MERTK: variants seen among roughly 807,000 people sequenced by gnomAD.
MERTK encodes tyrosine-protein kinase Mer.
Under a neutral mutation model 99.3 loss-of-function variants are expected in MERTK, and 69 were observed. The ratio of observed to expected loss-of-function variants is 0.70; its 90% CI spans 0.57 to 0.85. MERTK has a LOEUF of 0.85. Among genes scored for constraint, MERTK ranks in the 40% least tolerant of loss-of-function variants. MERTK has a pLI of 0.00. For missense variants in MERTK, 1,125 were observed against 1,249.4 expected, an observed-to-expected ratio of 0.90 and a Z score of 1.50; for synonymous variants, 426 against 467.6, an observed-to-expected ratio of 0.91 and a Z score of 1.15.
At chr2:111,995,938 C>T (rs1034389546) in intron 9 of MERTK, among the ~76,000 whole-genome samples, 1 of 151,974 alleles carries the variant, frequency 6.6e-6, no homozygotes, top group Non-Finnish European at 1.5e-5. Flanking sequence ...CAGAGTGAGA[C>T]CCCCATCTCC....
At position 111,975,371 on chromosome 2, in the gene MERTK, A is replaced by T. The variant is rs776597215; in HGVS notation, c.1043A>T (p.Gln348Leu). The T allele has an allele frequency of 6.2e-7, 1 of 1,614,212 alleles. No homozygotes were observed. Among genetic ancestry groups the T allele is most frequent in the Non-Finnish European group, 8.5e-7 (1 of 1,180,016 alleles). Residue 348 changes from glutamine (Q) to leucine (L), a missense_variant, in exon 7 of 19, where the codon CAG becomes CTG. Transcript: ENST00000295408. ...TTACCACATCTGTACCAAATCAAGCAGCTGCAAGCCCTGGCTAATTACAGC... is the reference window on the plus strand; with the variant it reads ...TTACCACATCTGTACCAAATCAAGCTGCTGCAAGCCCTGGCTAATTACAGC... ...SALPHLYQIK[Q>L]LQALANYSIG...
rs115064074 is a variant in MERTK at position 111,972,212 on chromosome 2, G to C, written c.961-3077G>C. On this transcript the variant is annotated intron_variant, in intron 6 of 18. Transcript: ENST00000295408. Reference sequence around the variant, plus strand: ...CGCCTGGCTCATTTTTGTGTTTTTAGTAGAGATGTAGTTTCACCATGTCAC... The same window carrying C: ...CGCCTGGCTCATTTTTGTGTTTTTACTAGAGATGTAGTTTCACCATGTCAC... Among the ~76,000 whole-genome samples the C allele has an allele frequency of 5.4e-3, 828 of 152,200 alleles. 9 individuals carry two copies. The highest frequency in any genetic ancestry group is 0.019 in the African/African-American group (799 of 41,516).
intron 10 of MERTK, among the ~76,000 whole-genome samples, chr2:111,999,758 G>C (rs1676828636): frequency 6.6e-6 from 1 of 152,172 alleles, no homozygotes; most frequent in Non-Finnish European, 1.5e-5. Flanking sequence ...GAGCAGTAAA[G>C]CTTTTTAATC....
chr2:111,947,669 A>T, intron 4 of MERTK, 102 bp downstream of exon 4: 2 of 1,366,744 alleles, frequency 1.5e-6, no homozygotes, highest in Non-Finnish European at 2.1e-6. Flanking sequence ...GTGGAGACAG[A>T]TGAAAATACA....
At chr2:111,931,321 G>A (rs951724713) in intron 2 of MERTK, among the ~76,000 whole-genome samples, 11 of 152,144 alleles carry the variant, frequency 7.2e-5, no homozygotes, top group African/African-American at 2.7e-4. Context: ...TTCTCAGCCA[G>A]TGGCTAAGAC....
At chr2:111,957,170 G>A (rs961387494) in intron 4 of MERTK, among the ~76,000 whole-genome samples, 2 of 151,866 alleles carry the variant, frequency 1.3e-5, no homozygotes, top group African/African-American at 2.4e-5. Context: ...CTCGTGATCC[G>A]CCCGCCTTGG....
chr2:111,939,654 A>ATTTTTTTTTTT (rs1184269274), intron 2 of MERTK, among the ~76,000 whole-genome samples: 1 of 88,246 alleles, frequency 1.1e-5, no homozygotes, highest in African/African-American at 4.6e-5. Context: ...CTAATTTTTA[A>ATTTTTTTTTTT]TTTTTTTTTT....
chr2:112,004,901 C>CA (rs112757528), intron 13 of MERTK, among the ~76,000 whole-genome samples: 3,397 of 139,392 alleles, frequency 0.024, 59 homozygotes, highest in Middle Eastern at 0.073. Context: ...GACTCCGTCT[C>CA]AAAAAAAAAA....
chr2:112,016,969 A>C (rs1377069614), intron 15 of MERTK, among the ~76,000 whole-genome samples: 1 of 152,200 alleles, frequency 6.6e-6, no homozygotes, highest in African/African-American at 2.4e-5. Context: ...TGAGTGTTAC[A>C]GCTCTTAAAG....
Position 112,026,276 on chromosome 2 carries a change from A to G in MERTK, c.2487-2075A>G, listed in dbSNP as rs539248585. 3.9e-5 allele frequency: 6 copies of G among 152,496 alleles called. No individual in the cohort carries two copies. The East Asian group carries it at 9.6e-4, about 24-fold the overall frequency. 9.4% of individuals were successfully genotyped at this position (152,496 alleles called of 1,614,324 possible). On this transcript the variant is annotated intron_variant, in intron 18 of 18. Transcript: ENST00000295408. Reference sequence around the variant, plus strand: ...TTGATAAGGTATTGAATATTAAAGGAAAAGAAGTTTCAAAGTGATATTGAT... The same window carrying G: ...TTGATAAGGTATTGAATATTAAAGGGAAAGAAGTTTCAAAGTGATATTGAT...
chr2:111,935,073 C>A (rs4848229), intron 2 of MERTK, among the ~76,000 whole-genome samples: 34,852 of 152,094 alleles, frequency 0.23, 4,324 homozygotes, highest in Middle Eastern at 0.36. Flanking sequence ...GTCATTTACT[C>A]TAAGGAAAGC....
At chr2:112,003,007 A>T (rs1558803536) in intron 11 of MERTK, 85 bp from the exon 12 acceptor site, 2 of 745,918 alleles carry the variant, frequency 2.7e-6, no homozygotes, top group East Asian at 2.6e-5. Context: ...ATGTTTTATT[A>T]TACAGGACTT....
chr2:111,984,170 G>T (rs1235357816), intron 8 of MERTK, among the ~76,000 whole-genome samples: 2 of 152,028 alleles, frequency 1.3e-5, no homozygotes, highest in East Asian at 3.9e-4. Flanking sequence ...CTCAGCTCAA[G>T]CATTCAGGCA....
Position 111,929,273 on chromosome 2 carries a change from G to T in MERTK, c.215G>T (p.Arg72Ile). Residue 72 changes from arginine (R) to isoleucine (I), a missense_variant, in exon 2 of 19, where the codon AGA becomes ATA. Transcript: ENST00000295408. ...ATGTTTTCACCAACCCAGCCTGGAA[G>T]ACCACATACAGGAAACGTAGCCATT... ...ALMFSPTQPG[R>I]PHTGNVAIPQ... is the part of the protein sequence containing the mutation. 1.2e-6 allele frequency: 2 copies of T among 1,614,200 alleles called. No individual in the cohort carries two copies. The highest frequency in any genetic ancestry group is 2.7e-5 in the African/African-American group (2 of 75,044).
At position 111,975,286 on chromosome 2, in the gene MERTK, T is replaced by C; in HGVS notation, c.961-3T>C. ...CCGGTCCTCATGTTTACTCTTCGTT[T>C]AGGTCAAGGAAGCTGATCCGCTGAG... is the stretch of plus-strand genomic sequence containing the variant. On this transcript the variant is annotated splice_polypyrimidine_tract_variant and splice_region_variant and intron_variant, in intron 6 of 18. Transcript: ENST00000295408. 1 of 1,614,192 alleles carries C rather than the reference T, an allele frequency of 6.2e-7. No homozygotes were observed. Among genetic ancestry groups the C allele is most frequent in the Non-Finnish European group, 8.5e-7 (1 of 1,180,010 alleles).
chr2:112,003,387 T>G, intron 12 of MERTK, 200 bp downstream of exon 12: 1 of 476,700 alleles, frequency 2.1e-6, no homozygotes, highest in Non-Finnish European at 3.7e-6. Flanking sequence ...TTCTCTTCAA[T>G]GCCTAGCACA....
At chr2:112,026,537 C>T (rs1321835227) in intron 18 of MERTK, among the ~76,000 whole-genome samples, 3 of 152,114 alleles carry the variant, frequency 2.0e-5, no homozygotes, top group African/African-American at 7.2e-5. Context: ...AAACAGAAAC[C>T]GTCTGTCAAG....
rs113208999 is a variant in MERTK at position 111,941,101 on chromosome 2, T to A, written c.483-3859T>A. On this transcript the variant is annotated intron_variant, in intron 2 of 18. Coordinates refer to ENST00000295408, the MANE Select transcript of MERTK (RefSeq NM_006343.3). ...CTTTGGCAAGGAGCTTATCCGTCAC[T>A]AACTTCCTGGGACTTGCATGCCTGA... The A allele has an allele frequency of 2.9e-3, 1,142 of 389,692 alleles. 14 individuals carry two copies. The highest frequency in any genetic ancestry group is 0.022 in the African/African-American group (1,072 of 48,246). 24.1% of individuals were successfully genotyped at this position (389,692 alleles called of 1,614,324 possible).
chr2:112,014,660 G>C (rs1482819874), intron 15 of MERTK, among the ~76,000 whole-genome samples: 5 of 150,998 alleles, frequency 3.3e-5, no homozygotes, highest in African/African-American at 9.8e-5. Context: ...TTTTGAGACA[G>C]AGTCTCACTC....
Sources: gnomAD v4.1 joint callset for allele counts (sites outside exome capture counted in the v4.1 genomes callset) on GRCh38, gnomAD v4.1.1 for gene constraint, MANE v1.5 for transcripts, NCBI Gene and HGNC (gene_info 2026-07-23, HGNC 2026-07-21) for gene names.